Variants in ANKS1B observed in about 807,000 individuals in gnomAD.
ANKS1B encodes the protein ankyrin repeat and sterile alpha motif domain-containing protein 1B.
Under a neutral mutation model 148.3 loss-of-function variants are expected in ANKS1B, and 36 were observed. That is an observed-to-expected ratio of 0.24 (90% CI 0.19 to 0.32). The LOEUF (loss-of-function observed/expected upper bound fraction) is 0.32. ANKS1B is among the 10% of genes least tolerant of loss of function. ANKS1B has a pLI of 1.00. For synonymous variants in ANKS1B, 542 were observed against 560.8 expected, an observed-to-expected ratio of 0.97 and a Z score of 0.47; for missense variants, 1,157 against 1,542.6, an observed-to-expected ratio of 0.75 and a Z score of 4.19.
chr12:99,302,699 A>G (rs1350017375), intron 12 of ANKS1B, among the ~76,000 whole-genome samples: 1 of 152,156 alleles, frequency 6.6e-6, no homozygotes, highest in East Asian at 1.9e-4. Context: ...AAATATTTCA[A>G]ACAAAAAGGA....
intron 8 of ANKS1B, among the ~76,000 whole-genome samples, chr12:99,688,034 C>G (rs749277442): frequency 2.6e-5 from 4 of 152,142 alleles, no homozygotes; most frequent in African/African-American, 4.8e-5. Flanking sequence ...TTTTTCAAGG[C>G]CACATTATCC....
chr12:99,587,497 A>T (rs1482544176), intron 9 of ANKS1B, among the ~76,000 whole-genome samples: 1 of 152,234 alleles, frequency 6.6e-6, no homozygotes, highest in South Asian at 2.1e-4. Flanking sequence ...ACCTCTGTAT[A>T]GAATGTTCAG....
chr12:99,754,132 C>A (rs1408330371), intron 8 of ANKS1B, among the ~76,000 whole-genome samples: 1 of 152,072 alleles, frequency 6.6e-6, no homozygotes, highest in African/African-American at 2.4e-5. Context: ...TAATGACACA[C>A]ATAGGCTCAA....
At chr12:99,326,988 A>C (rs1280137372) in intron 12 of ANKS1B, among the ~76,000 whole-genome samples, 1 of 138,826 alleles carries the variant, frequency 7.2e-6, no homozygotes, top group Admixed American at 7.6e-5. Flanking sequence ...GATTTTATAT[A>C]TAATATATAA....
At chr12:99,880,590 A>C (rs1056778399) in intron 1 of ANKS1B, among the ~76,000 whole-genome samples, 12 of 152,238 alleles carry the variant, frequency 7.9e-5, no homozygotes, top group African/African-American at 2.9e-4. Context: ...TTCTATGTAC[A>C]GGTAGTAGTA....
chr12:98,781,022 T>TG (rs1342629097), intron 24 of ANKS1B, 95 bp downstream of exon 24: 2 of 708,754 alleles, frequency 2.8e-6, no homozygotes, highest in Non-Finnish European at 4.7e-6. Context: ...ATGATTACAG[T>TG]GGGGAGTGCT....
intron 17 of ANKS1B, among the ~76,000 whole-genome samples, chr12:98,931,107 C>T (rs2099813328): frequency 6.6e-6 from 1 of 152,140 alleles, no homozygotes; most frequent in African/African-American, 2.4e-5. Flanking sequence ...TTAGGCTACT[C>T]TCCTGTCCTG....
intron 3 of ANKS1B, among the ~76,000 whole-genome samples, chr12:99,807,915 TACA>T (rs1054933395): frequency 6.6e-6 from 1 of 152,162 alleles, no homozygotes; most frequent in Non-Finnish European, 1.5e-5. Context: ...ATTTAACTCT[TACA>T]ACAATTCTCC....
At chr12:99,331,745 G>A (rs1050424153) in intron 12 of ANKS1B, among the ~76,000 whole-genome samples, 16 of 152,004 alleles carry the variant, frequency 1.1e-4, no homozygotes, top group African/African-American at 3.4e-4. Flanking sequence ...CTGGAAAGAT[G>A]GAATTTCCAG....
intron 8 of ANKS1B, among the ~76,000 whole-genome samples, chr12:99,748,496 ATT>A (rs1282897466): frequency 6.6e-6 from 1 of 151,952 alleles, no homozygotes; most frequent in African/African-American, 2.4e-5. Context: ...AGAAAACATT[ATT>A]TTGTTTCTTA....
intron 8 of ANKS1B, among the ~76,000 whole-genome samples, chr12:99,707,454 G>GT (rs1271791632): frequency 6.6e-6 from 1 of 152,054 alleles, no homozygotes; most frequent in African/African-American, 2.4e-5. Context: ...GTCATAAGAG[G>GT]TAACACATAA....
intron 15 of ANKS1B, among the ~76,000 whole-genome samples, chr12:99,131,743 C>T (rs1396185282): frequency 2.0e-5 from 3 of 152,142 alleles, no homozygotes. Context: ...TTCTTAGCTA[C>T]ATAAAGTTAA....
intron 9 of ANKS1B, among the ~76,000 whole-genome samples, chr12:99,510,596 G>A (rs2096755234): frequency 6.6e-6 from 1 of 151,942 alleles, no homozygotes; most frequent in African/African-American, 2.4e-5. Context: ...CTTCTTACAG[G>A]CGAACAAAGT....
At chr12:99,226,508 T>C (rs2085955888) in intron 14 of ANKS1B, among the ~76,000 whole-genome samples, 1 of 152,212 alleles carries the variant, frequency 6.6e-6, no homozygotes, top group Admixed American at 6.5e-5. Context: ...AATGTGTATA[T>C]TGTCTAGGGT....
chr12:99,727,301 CA>C (rs1242695078), intron 8 of ANKS1B, among the ~76,000 whole-genome samples: 1 of 151,992 alleles, frequency 6.6e-6, no homozygotes. Context: ...TCTCAAGATA[CA>C]AAATCAATGT....
chr12:99,618,026 T>C (rs759026998), intron 9 of ANKS1B, among the ~76,000 whole-genome samples: 2 of 152,184 alleles, frequency 1.3e-5, no homozygotes, highest in Non-Finnish European at 2.9e-5. Flanking sequence ...ACCACCTCTT[T>C]GACCTCAATC....
intron 17 of ANKS1B, among the ~76,000 whole-genome samples, chr12:99,039,032 T>C (rs1017996258): frequency 1.3e-5 from 2 of 152,252 alleles, no homozygotes; most frequent in Admixed American, 1.3e-4. Flanking sequence ...GTTGGTTTTG[T>C]TTCCAATGCA....
At chr12:98,857,791 A>G (rs2099579650) in intron 17 of ANKS1B, among the ~76,000 whole-genome samples, 1 of 152,214 alleles carries the variant, frequency 6.6e-6, no homozygotes, top group Non-Finnish European at 1.5e-5. Flanking sequence ...GGTATTTATA[A>G]GCTAGTTGAA....
intron 9 of ANKS1B, among the ~76,000 whole-genome samples, chr12:99,642,501 G>A (rs2098319347): frequency 6.6e-6 from 1 of 152,150 alleles, no homozygotes; most frequent in Non-Finnish European, 1.5e-5. Flanking sequence ...TGTTAGCAGG[G>A]CTGGTTACTT....
Sources: allele counts gnomAD v4.1 joint callset (sites outside exome capture counted in the v4.1 genomes callset), GRCh38; gene constraint gnomAD v4.1.1; transcripts MANE v1.5; gene names NCBI Gene and HGNC (gene_info 2026-07-23, HGNC 2026-07-21).